PEX7: variants seen among roughly 807,000 people sequenced by gnomAD.
The protein encoded by PEX7 is peroxisomal biogenesis factor 7.
PEX7 carries 34 observed loss-of-function variants against 47.5 expected under a neutral mutation model. The ratio of observed to expected loss-of-function variants is 0.72; its 90% CI spans 0.54 to 0.95. PEX7 has a LOEUF of 0.95. Ranked by LOEUF, PEX7 falls within the 40% of genes least tolerant of loss-of-function variation. PEX7 has a pLI of 0.00. For missense variants in PEX7, 394 were observed against 400.3 expected (o/e 0.98, Z 0.13); for synonymous variants, 141 against 148.8 (o/e 0.95, Z 0.38).
chr6:136,901,942 C>T (rs371232714), intron 9 of PEX7, among the ~76,000 whole-genome samples: 1 of 152,074 alleles, frequency 6.6e-6, no homozygotes, highest in African/African-American at 2.4e-5. Context: ...TGTGCCACCA[C>T]GCCCAGCTAA....
At chr6:136,846,686 T>C (rs1331847887) in intron 5 of PEX7, among the ~76,000 whole-genome samples, 1 of 152,234 alleles carries the variant, frequency 6.6e-6, no homozygotes, top group African/African-American at 2.4e-5. Context: ...TCCTTTTTTA[T>C]GGCTGCATAG....
intron 9 of PEX7, among the ~76,000 whole-genome samples, chr6:136,903,232 C>A (rs902902332): frequency 4.6e-5 from 7 of 152,122 alleles, no homozygotes; most frequent in African/African-American, 1.7e-4. Context: ...CCAGAAGCCT[C>A]TTCCCAAATC....
intron 8 of PEX7, among the ~76,000 whole-genome samples, chr6:136,877,168 C>A (rs990127208): frequency 6.6e-6 from 1 of 151,628 alleles, no homozygotes; most frequent in African/African-American, 2.4e-5. Context: ...TATCCTTCAC[C>A]CACTTTTTGA....
intron 9 of PEX7, among the ~76,000 whole-genome samples, chr6:136,905,104 T>C (rs1775824090): frequency 6.6e-6 from 1 of 152,232 alleles, no homozygotes; most frequent in Non-Finnish European, 1.5e-5. Context: ...AGTGTCAGTA[T>C]CTGGACGTTT....
intron 5 of PEX7, among the ~76,000 whole-genome samples, chr6:136,858,078 A>G (rs1242334061): frequency 2.6e-5 from 4 of 152,192 alleles, no homozygotes; most frequent in Non-Finnish European, 4.4e-5. Context: ...CAGCCTCCCA[A>G]AGTGCTGGGA....
chr6:136,873,172 G>A (rs1037626072), intron 8 of PEX7, among the ~76,000 whole-genome samples: 2 of 152,104 alleles, frequency 1.3e-5, no homozygotes, highest in Non-Finnish European at 2.9e-5. Flanking sequence ...ATTCAGAAAG[G>A]TTTCCAGGAT....
intron 8 of PEX7, among the ~76,000 whole-genome samples, chr6:136,873,170 A>G (rs1462216886): frequency 6.6e-6 from 1 of 152,172 alleles, no homozygotes; most frequent in African/African-American, 2.4e-5. Flanking sequence ...ATATTCAGAA[A>G]GGTTTCCAGG....
At chr6:136,856,792 A>T (rs1296450647) in intron 5 of PEX7, among the ~76,000 whole-genome samples, 2 of 152,244 alleles carry the variant, frequency 1.3e-5, no homozygotes, top group Non-Finnish European at 1.5e-5. Flanking sequence ...GCCAGTATTC[A>T]CTAAATTGGC....
At position 136,848,085 on chromosome 6, in the gene PEX7, G is replaced by A. The variant is rs547712018; in HGVS notation, c.526+1904G>A. Among the ~76,000 whole-genome samples, 201 of 152,188 alleles carry A rather than the reference G, an allele frequency of 1.3e-3. 1 individual carries two copies. Among genetic ancestry groups the A allele is most frequent in the Non-Finnish European group, 1.1e-3 (75 of 67,992 alleles). On this transcript the variant is annotated intron_variant, in intron 5 of 9. Transcript: ENST00000318471. Reference sequence around the variant, plus strand: ...CATCCCTTGTAAGTTGGATTCCTAGGTATTTTATTCCCTTTGTAGCAATTG... The same window carrying A: ...CATCCCTTGTAAGTTGGATTCCTAGATATTTTATTCCCTTTGTAGCAATTG...
intron 9 of PEX7, among the ~76,000 whole-genome samples, chr6:136,908,699 A>AAAC (rs1775883907): frequency 6.6e-6 from 1 of 152,186 alleles, no homozygotes; most frequent in Non-Finnish European, 1.5e-5. Flanking sequence ...AGCCTTCAAA[A>AAAC]AACCCTAGTT....
rs1465458930 is a variant in PEX7 at position 136,839,402 on chromosome 6, G to A, written c.340-6213G>A. ...AGTAGATTAAATATGAGCTCTTTGG[G>A]AATTGGTTTCAGTAATAAAATTTGT... On this transcript the variant is annotated intron_variant, in intron 3 of 9. Transcript: ENST00000318471. Among the ~76,000 whole-genome samples the A allele has an allele frequency of 1.1e-4, 16 of 152,246 alleles. No individual in the cohort carries two copies. The South Asian group carries it at 2.9e-3, about 28-fold the overall frequency.
rs568400125 is a variant in PEX7, at chr6:136,848,205, G to C, written c.526+2024G>C. Among the ~76,000 whole-genome samples the C allele has an allele frequency of 1.3e-5, 2 of 152,198 alleles. 1 individual carries two copies. Among genetic ancestry groups the C allele is most frequent in the South Asian group, 4.1e-4 (2 of 4,826 alleles). On this transcript the variant is annotated intron_variant, in intron 5 of 9. Coordinates refer to ENST00000318471, the MANE Select transcript of PEX7 (RefSeq NM_000288.4). The stretch of plus-strand genomic sequence containing the variant: ...CTTGCACATTGATTTTGTATCCTGA[G>C]ACTTTGCTGAAGCTGCTTATCAGCT...
rs563675060 is a variant in PEX7, at chr6:136,872,182, C to CT, written c.748-5dup. Reference sequence around the variant, plus strand: ...TGACTTCAAAAAGGGTTTTTTTTTTCTTTTTTTTTTTGTAGTTTTCACCAT... The same window carrying CT: ...TGACTTCAAAAAGGGTTTTTTTTTTCTTTTTTTTTTTTGTAGTTTTCACCAT... On this transcript the variant is annotated splice_polypyrimidine_tract_variant and intron_variant, in intron 7 of 9. Transcript: ENST00000318471. 0.061 allele frequency: 57,738 copies of CT among 952,048 alleles called. 6 individuals are homozygous for CT. Among genetic ancestry groups the CT allele is most frequent in the Non-Finnish European group, 0.066 (44,797 of 680,944 alleles). 59.0% of individuals were successfully genotyped at this position (952,048 alleles called of 1,614,324 possible).
In PEX7 at chr6:136,880,971, A is replaced by G. The variant is rs890851569; in HGVS notation, c.803+8718A>G. Among the ~76,000 whole-genome samples the G allele has an allele frequency of 4.6e-5, 7 of 152,288 alleles. No individual in the cohort carries two copies. The East Asian group carries it at 1.3e-3, about 29-fold the overall frequency. On this transcript the variant is annotated intron_variant, in intron 8 of 9. Coordinates refer to ENST00000318471, the MANE Select transcript of PEX7 (RefSeq NM_000288.4). ...ATTCCATATAAAATAATAAGTAGTG[A>G]TTATAAAGTTTTCAGCCTGGGAACT...
Position 136,866,745 on chromosome 6 carries a change from G to A in PEX7, c.633+12G>A, listed in dbSNP as rs1582757761. On this transcript the variant is annotated intron_variant, in intron 6 of 9. Coordinates refer to ENST00000318471, the MANE Select transcript of PEX7 (RefSeq NM_000288.4). The stretch of plus-strand genomic sequence containing the variant: ...GTAAATACAATGAGGTATAGTGTAT[G>A]GCTCTATCCTATGCTGCTGTCCTTC... The A allele has an allele frequency of 6.3e-7, 1 of 1,577,312 alleles. No individual in the cohort carries two copies. Among genetic ancestry groups the A allele is most frequent in the Non-Finnish European group, 8.7e-7 (1 of 1,146,664 alleles).
intron 3 of PEX7, among the ~76,000 whole-genome samples, chr6:136,840,500 T>TG (rs1405725152): frequency 1.1e-5 from 1 of 88,968 alleles, no homozygotes; most frequent in Non-Finnish European, 2.4e-5. Flanking sequence ...TGAGCGAAGA[T>TG]GCTAAGTTGG....
chr6:136,869,886 T>A lies in PEX7; in HGVS notation c.634-4T>A. 4.4e-6 allele frequency: 7 copies of A among 1,609,140 alleles called. No homozygotes were observed. The highest frequency in any genetic ancestry group is 6.0e-6 in the Non-Finnish European group (7 of 1,175,496). ...CAGTTTATGTTTCTCTGAATTGTTT[T>A]TAGAATTTGCTGGTGACCGGGGCGG... is the stretch of plus-strand genomic sequence containing the variant. On this transcript the variant is annotated splice_polypyrimidine_tract_variant and splice_region_variant and intron_variant, in intron 6 of 9. Coordinates refer to ENST00000318471, the MANE Select transcript of PEX7 (RefSeq NM_000288.4).
At position 136,911,636 on chromosome 6, in the gene PEX7, A is replaced by C. The variant is rs78950149; in HGVS notation, c.904-1822A>C. Among the ~76,000 whole-genome samples, 516 of 152,142 alleles carry C rather than the reference A, an allele frequency of 3.4e-3. 25 individuals carry two copies. The East Asian group carries it at 0.086, about 25-fold the overall frequency. ...TGCCCAGGCTGGTCTCAAACTCCTGACCTGAGGTGATCCATCTGCCTCAGC... is the reference window on the plus strand; with the variant it reads ...TGCCCAGGCTGGTCTCAAACTCCTGCCCTGAGGTGATCCATCTGCCTCAGC... On this transcript the variant is annotated intron_variant, in intron 9 of 9. Transcript: ENST00000318471.
rs973450090 is a variant in PEX7, at chr6:136,873,867, C to T, written c.803+1614C>T. Among the ~76,000 whole-genome samples, 4 of 151,922 alleles carry T rather than the reference C, an allele frequency of 2.6e-5. No individual in the cohort carries two copies. In the South Asian group the frequency reaches 6.2e-4, roughly 24 times the overall value. ...TTAAGTTTTGTTGAAGGCTTTTTTT[C>T]CCAGCATTTATGGAGATAATCATGA... On this transcript the variant is annotated intron_variant, in intron 8 of 9. Transcript: ENST00000318471.
Sources: gnomAD v4.1 joint callset for allele counts (sites outside exome capture counted in the v4.1 genomes callset) on GRCh38, gnomAD v4.1.1 for gene constraint, MANE v1.5 for transcripts, NCBI Gene and HGNC (gene_info 2026-07-23, HGNC 2026-07-21) for gene names.